FGF13: variants seen among roughly 807,000 people sequenced by gnomAD.
FGF13 encodes fibroblast growth factor 13, also known as fibroblast growth factor homologous factor 2.
FGF13 carries 2 observed loss-of-function variants against 19.5 expected under a neutral mutation model. The ratio of observed to expected loss-of-function variants is 0.10; its 90% confidence interval spans 0.04 to 0.32. The LOEUF (loss-of-function observed/expected upper bound fraction) is 0.32. Ranked by LOEUF, FGF13 falls within the 10% of genes least tolerant of loss-of-function variation. FGF13 has a pLI of 1.00. For synonymous variants in FGF13, 72 were observed against 76.9 expected, an observed-to-expected ratio of 0.94 and a Z score of 0.33; for missense variants, 113 against 192.7, an observed-to-expected ratio of 0.59 and a Z score of 2.45.
chrX:138,846,397 G>GT (rs1359047643), intron 3 of FGF13, among the ~76,000 whole-genome samples: 1 of 111,519 alleles, frequency 9.0e-6, no homozygotes, highest in African/African-American at 3.3e-5. Flanking sequence ...CTCTGTGAAG[G>GT]TTTTACACCC....
chrX:138,668,937 T>C (rs1319374838), intron 3 of FGF13, among the ~76,000 whole-genome samples: 2 of 111,080 alleles, frequency 1.8e-5, no homozygotes, highest in Non-Finnish European at 3.8e-5. Context: ...GAGGAGTTCA[T>C]GGATGGCAAT....
At chrX:138,799,556 T>C (rs748259548) in intron 3 of FGF13, among the ~76,000 whole-genome samples, 1 of 111,195 alleles carries the variant, frequency 9.0e-6, no homozygotes, top group Admixed American at 9.6e-5. Context: ...GGTGGAGAGT[T>C]CTGTTGATGT....
intron 1 of FGF13, among the ~76,000 whole-genome samples, chrX:138,920,651 G>A (rs949548622): frequency 3.6e-5 from 4 of 111,318 alleles, no homozygotes; most frequent in African/African-American, 1.3e-4. Flanking sequence ...AAGGTAAATG[G>A]GGATAACTGA....
At position 138,865,455 on chromosome X, in the gene FGF13, CT is replaced by C. The variant is rs1258176311; in HGVS notation, c.-112-806del. Among the ~76,000 whole-genome samples, 825 of 96,519 alleles carry C rather than the reference CT, an allele frequency of 8.5e-3. 6 individuals carry two copies. Among genetic ancestry groups the C allele is most frequent in the African/African-American group, 0.035 (776 of 22,237 alleles). 83.8% of individuals were successfully genotyped at this position (96,519 alleles called of 115,157 possible). On this transcript the variant is annotated intron_variant, in intron 1 of 2. Transcript: ENST00000421460. ...TCTTCTCTCTCTCTCTCTCTCCTCT[CT>C]CTCTCTCTCTCTCTCTCCTCTCTCT...
At chrX:139,093,547 T>C (rs17001985) in intron 1 of FGF13, among the ~76,000 whole-genome samples, 2,116 of 111,979 alleles carry the variant, frequency 0.019, 53 homozygotes, top group African/African-American at 0.065. Flanking sequence ...GCTCTAAACT[T>C]ACTTCAGGAT....
chrX:139,188,712 G>A lies in FGF13; in HGVS notation c.-113+14704C>T, dbSNP rs1398557443. On this transcript the variant is annotated intron_variant, in intron 1 of 2. Transcript: ENST00000421460. Reference sequence around the variant, plus strand: ...AAAGAGTTGAAAACAAAAAAAACTTGATTGCTTCATATTTAAAACTAATTT... The same window carrying A: ...AAAGAGTTGAAAACAAAAAAAACTTAATTGCTTCATATTTAAAACTAATTT... 2.7e-5 allele frequency among the ~76,000 whole-genome samples: 3 copies of A among 112,367 alleles called. No homozygotes were observed. The East Asian group carries it at 8.4e-4, about 31-fold the overall frequency.
In FGF13 at chrX:138,626,737, C is replaced by T. The variant is rs1183275325; in HGVS notation, c.*6113G>A. Reference sequence around the variant, plus strand: ...ACACACACACAGACACAGACACACACACACGCACACAGAAACAATAGGGTA... The same window carrying T: ...ACACACACACAGACACAGACACACATACACGCACACAGAAACAATAGGGTA... On this transcript the variant is annotated 3_prime_UTR_variant, in exon 5 of 5. Transcript: ENST00000315930. The T allele has an allele frequency of 9.0e-6, 1 of 111,699 alleles. No homozygotes were observed. The highest frequency in any genetic ancestry group is 1.9e-5 in the Non-Finnish European group (1 of 53,189). 9.2% of individuals were successfully genotyped at this position (111,699 alleles called of 1,213,427 possible).
intron 3 of FGF13, among the ~76,000 whole-genome samples, chrX:138,640,168 A>G (rs376714997): frequency 2.7e-5 from 3 of 111,599 alleles, no homozygotes; most frequent in African/African-American, 9.8e-5. Flanking sequence ...GGAGGTTGAA[A>G]TATCACTGAC....
rs73565583 is a variant in FGF13 at position 138,865,360 on chromosome X, G to A, written c.-112-710C>T. Among the ~76,000 whole-genome samples, 498 of 111,030 alleles carry A rather than the reference G, an allele frequency of 4.5e-3. 4 individuals are homozygous for A. Among genetic ancestry groups the A allele is most frequent in the African/African-American group, 0.015 (463 of 30,550 alleles). On this transcript the variant is annotated intron_variant, in intron 1 of 2. Transcript: ENST00000421460. ...ATGCTCCTCAGATGATTTGACTACA[G>A]AGCCAAGGTTGAAAATTACTGCTCT...
intron 3 of FGF13, among the ~76,000 whole-genome samples, chrX:138,776,058 G>A (rs1314823408): frequency 8.9e-6 from 1 of 112,173 alleles, no homozygotes; most frequent in Non-Finnish European, 1.9e-5. Context: ...TGGGCCTTGG[G>A]CACTTGCCTA....
intron 3 of FGF13, among the ~76,000 whole-genome samples, chrX:138,781,033 C>T (rs1297855572): frequency 9.0e-6 from 1 of 111,326 alleles, no homozygotes; most frequent in Non-Finnish European, 1.9e-5. Flanking sequence ...CGCTCAACTA[C>T]ATGGAAACTG....
chrX:139,103,999 G>T (rs2083537318), intron 1 of FGF13, among the ~76,000 whole-genome samples: 2 of 111,317 alleles, frequency 1.8e-5, no homozygotes, highest in Non-Finnish European at 3.8e-5. Context: ...CAGTGACCTG[G>T]AACAAGTCAC....
chrX:139,194,811 G>A (rs191488559), intron 1 of FGF13, among the ~76,000 whole-genome samples: 1 of 111,896 alleles, frequency 8.9e-6, no homozygotes, highest in East Asian at 2.9e-4. Flanking sequence ...ACCGGAGCGC[G>A]CAGTATCTTC....
rs1270227007 is a variant in FGF13, at chrX:138,913,218, T to C, written c.-112-48568A>G. Among the ~76,000 whole-genome samples, 3 of 73,196 alleles carry C rather than the reference T, an allele frequency of 4.1e-5. No individual in the cohort carries two copies. The East Asian group carries it at 1.5e-3, about 37-fold the overall frequency. The allele number at this position is 73,196 out of a possible 115,157, so 63.6% of individuals were successfully genotyped here. ...TTTTTTTTTTTTTTTTGAGATGGAGTCTCACTCTGTTGATCTTGGCTCACT... is the reference window on the plus strand; with the variant it reads ...TTTTTTTTTTTTTTTTGAGATGGAGCCTCACTCTGTTGATCTTGGCTCACT... On this transcript the variant is annotated intron_variant, in intron 1 of 2. Coordinates refer to the FGF13 transcript ENST00000421460.
At chrX:139,203,222 A>G (rs1437556550) in intron 1 of FGF13, among the ~76,000 whole-genome samples, 3 of 110,945 alleles carry the variant, frequency 2.7e-5, no homozygotes, top group African/African-American at 9.9e-5. Flanking sequence ...CTCCAGGGGG[A>G]CCAGTGGTCG....
chrX:138,799,098 C>T (rs893732195), intron 3 of FGF13, among the ~76,000 whole-genome samples: 3 of 111,351 alleles, frequency 2.7e-5, no homozygotes, highest in African/African-American at 9.8e-5. Flanking sequence ...TTGTCTTCTG[C>T]TAGCTTTTAA....
chrX:139,017,417 C>T (rs749615778), intron 1 of FGF13, among the ~76,000 whole-genome samples: 1 of 107,968 alleles, frequency 9.3e-6, no homozygotes, highest in South Asian at 4.0e-4. Flanking sequence ...AATACATACA[C>T]GAGTGTGTGT....
chrX:139,043,153 A>G (rs1261542013), intron 1 of FGF13, among the ~76,000 whole-genome samples: 6 of 111,083 alleles, frequency 5.4e-5, no homozygotes, highest in Non-Finnish European at 1.1e-4. Flanking sequence ...AGGAGGAGGA[A>G]GTTATCTAAT....
intron 1 of FGF13, among the ~76,000 whole-genome samples, chrX:139,154,089 T>C (rs1246700813): frequency 1.8e-5 from 2 of 111,773 alleles, no homozygotes; most frequent in Admixed American, 9.5e-5. Context: ...GATACCATCT[T>C]GAGAAAAGAC....
Sources: gnomAD v4.1 joint callset for allele counts (sites outside exome capture counted in the v4.1 genomes callset) on GRCh38, gnomAD v4.1.1 for gene constraint, MANE v1.5 for transcripts, NCBI Gene and HGNC (gene_info 2026-07-23, HGNC 2026-07-21) for gene names.